PCBP2: variants seen among roughly 807,000 people sequenced by gnomAD.
The protein encoded by PCBP2 is poly(rC) binding protein 2.
PCBP2 carries 4 observed loss-of-function variants against 50.1 expected under a neutral mutation model. The ratio of observed to expected loss-of-function variants is 0.08; its 90% confidence interval spans 0.04 to 0.18. The LOEUF is 0.18. Among genes scored for constraint, PCBP2 ranks in the 10% least tolerant of loss-of-function variants. PCBP2 has a pLI of 1.00. For synonymous variants in PCBP2, 179 were observed against 168.0 expected, an observed-to-expected ratio of 1.07 and a Z score of -0.51; for missense variants, 161 against 474.3, an observed-to-expected ratio of 0.34 and a Z score of 6.14.
At chr12:53,470,378 C>G (rs1379673948) in intron 13 of PCBP2, among the ~76,000 whole-genome samples, 3 of 47,362 alleles carry the variant, frequency 6.3e-5, no homozygotes, top group African/African-American at 3.0e-4. Flanking sequence ...CTCCGTCTCT[C>G]AAAAAAAAAA....
chr12:53,470,245 G>A (rs1054586315), intron 13 of PCBP2, among the ~76,000 whole-genome samples: 1 of 151,556 alleles, frequency 6.6e-6, no homozygotes, highest in Non-Finnish European at 1.5e-5. Flanking sequence ...AGGTGTGCTG[G>A]CCCGCACCTG....
chr12:53,471,682 G>A lies in PCBP2; in HGVS notation c.927G>A (p.Glu309=), dbSNP rs1942247891. Residue 309 remains glutamate, a synonymous_variant, in exon 14 of 15, where the codon GAG becomes GAA. Transcript: ENST00000546463. ...IIGRQGAKIN[E]IRQMSGAQIK... ...GGCGTCAAGGCGCCAAAATCAATGA[G>A]ATCCGTCAGATGTCTGGGGCGCAGA... 6.2e-7 allele frequency: 1 copy of A among 1,613,750 alleles called. No homozygotes were observed. Among genetic ancestry groups the A allele is most frequent in the Non-Finnish European group, 8.5e-7 (1 of 1,179,932 alleles).
chr12:53,467,388 G>A (rs779966409), intron 11 of PCBP2, 95 bp downstream of exon 11: 34 of 1,027,854 alleles, frequency 3.3e-5, no homozygotes, highest in Non-Finnish European at 4.5e-5. Context: ...AACAAACTTC[G>A]TTATCCAGCA....
At chr12:53,467,997 G>T (rs1941935924) in intron 12 of PCBP2, 154 bp downstream of exon 12, 1 of 642,282 alleles carries the variant, frequency 1.6e-6, no homozygotes, top group African/African-American at 1.8e-5. Flanking sequence ...GCCCCCGAGG[G>T]TCCCTTGATG....
chr12:53,461,533 G>A (rs1254344637), intron 7 of PCBP2, among the ~76,000 whole-genome samples: 4 of 151,996 alleles, frequency 2.6e-5, no homozygotes, highest in Non-Finnish European at 5.9e-5. Context: ...TTTGTAGGAG[G>A]GTATTCAAAG....
rs1555208246 is a variant in PCBP2 at position 53,471,924 on chromosome 12, G to GA, written c.1052+117_1052+118insA. 211 of 437,320 alleles carry GA rather than the reference G, an allele frequency of 4.8e-4. 1 individual carries two copies. Among genetic ancestry groups the GA allele is most frequent in the Non-Finnish European group, 1.2e-4 (33 of 284,556 alleles). The allele number at this position is 437,320 out of a possible 1,614,324, so 27.1% of individuals were successfully genotyped here. On this transcript the variant is annotated intron_variant, in intron 14 of 14. Coordinates refer to ENST00000546463, the MANE Select transcript of PCBP2 (RefSeq NM_031989.5). ...GGCGATGGGTAAAGATGGCCAAAAG[G>GA]TTTTTTTTTTTTTTTGCTAGCTCTA...
At chr12:53,471,868 A>C in intron 14 of PCBP2, 61 bp downstream of exon 14, 1 of 1,461,902 alleles carries the variant, frequency 6.8e-7, no homozygotes, top group Admixed American at 2.0e-5. Flanking sequence ...TGTTGGGGAG[A>C]GCTGCAGTGT....
chr12:53,466,015 C>G (rs762400373), intron 10 of PCBP2, 42 bp downstream of exon 10: 2 of 1,583,934 alleles, frequency 1.3e-6, no homozygotes, highest in Admixed American at 1.7e-5. Flanking sequence ...AGCTCCCTCT[C>G]CCATCCAAAA....
intron 14 of PCBP2, among the ~76,000 whole-genome samples, chr12:53,472,011 G>C (rs577442071): frequency 3.4e-5 from 5 of 148,538 alleles, no homozygotes; most frequent in African/African-American, 9.8e-5. Context: ...TGGTGGGGGG[G>C]GGAGCACAGA....
At chr12:53,459,186 C>T (rs1295700796) in intron 5 of PCBP2, 86 bp from the exon 6 acceptor site, 3 of 1,226,594 alleles carry the variant, frequency 2.4e-6, no homozygotes, top group Admixed American at 2.4e-5. Context: ...AATAAGATCA[C>T]TTACCCTAAT....
intron 1 of PCBP2, among the ~76,000 whole-genome samples, chr12:53,453,791 C>A (rs980378328): frequency 6.6e-6 from 1 of 152,184 alleles, no homozygotes; most frequent in Non-Finnish European, 1.5e-5. Flanking sequence ...AATTTTCTTT[C>A]TACACATAAC....
At chr12:53,455,749 A>T (rs979151877) in intron 4 of PCBP2, 136 bp from the exon 5 acceptor site, 3 of 719,846 alleles carry the variant, frequency 4.2e-6, no homozygotes, top group East Asian at 2.5e-5. Flanking sequence ...GTCATGGAGC[A>T]GTAGTGTTTG....
At chr12:53,471,524 G>A (rs948542039) in intron 13 of PCBP2, 114 bp from the exon 14 acceptor site, 73 of 954,156 alleles carry the variant, frequency 7.7e-5, no homozygotes, top group Non-Finnish European at 1.0e-4. Context: ...CCAAGATCAG[G>A]CCACTGCACT....
At chr12:53,463,938 A>G (rs1941625808) in intron 8 of PCBP2, among the ~76,000 whole-genome samples, 1 of 152,190 alleles carries the variant, frequency 6.6e-6, no homozygotes, top group Non-Finnish European at 1.5e-5. Flanking sequence ...TTAGAGGTTT[A>G]GTTTGTCGTG....
chr12:53,455,377 C>T lies in PCBP2; in HGVS notation c.93+7C>T. On this transcript the variant is annotated splice_region_variant and intron_variant, in intron 3 of 14. Transcript: ENST00000546463. ...TGGCAGTATCATCGGAAAGGTAAGA[C>T]AATTTCACTTCAACTTCAATTACCA... 1.2e-6 allele frequency: 2 copies of T among 1,614,046 alleles called. No homozygotes were observed. The highest frequency in any genetic ancestry group is 1.1e-5 in the South Asian group (1 of 91,080).
intron 4 of PCBP2, 108 bp downstream of exon 4, chr12:53,455,601 A>AT (rs1040173672): frequency 2.9e-5 from 34 of 1,181,964 alleles, no homozygotes; most frequent in Middle Eastern, 2.0e-4. Flanking sequence ...GGAAATATGT[A>AT]TTTTTTTTCG....
chr12:53,472,498 C>CA (rs1469956345), intron 14 of PCBP2, among the ~76,000 whole-genome samples: 6 of 152,306 alleles, frequency 3.9e-5, no homozygotes, highest in African/African-American at 1.2e-4. Context: ...ATCCTACAGT[C>CA]ATTTATATTA....
rs1280505294 is a variant in PCBP2 at position 53,455,332 on chromosome 12, T to C, written c.70-15T>C. 5 of 1,612,452 alleles carry C rather than the reference T, an allele frequency of 3.1e-6. No individual in the cohort carries two copies. In the African/African-American group the frequency reaches 6.7e-5, roughly 22 times the overall value. On this transcript the variant is annotated splice_polypyrimidine_tract_variant and intron_variant, in intron 2 of 14. Transcript: ENST00000546463. ...CTGAGTTTCCTCTTACTGACGTTAG[T>C]TTTCTCCATTGCAGGAAGTTGGCAG...
intron 14 of PCBP2, 116 bp downstream of exon 14, chr12:53,471,923 G>GTTT: frequency 1.5e-6 from 1 of 652,588 alleles, no homozygotes; most frequent in Non-Finnish European, 2.2e-6. Flanking sequence ...ATGGCCAAAA[G>GTTT]GTTTTTTTTT....
Sources: allele counts gnomAD v4.1 joint callset (sites outside exome capture counted in the v4.1 genomes callset), GRCh38; gene constraint gnomAD v4.1.1; transcripts MANE v1.5; gene names NCBI Gene and HGNC (gene_info 2026-07-23, HGNC 2026-07-21).